Variants in RNF144A observed in about 807,000 individuals in gnomAD.
RNF144A encodes the protein ring finger protein 144A.
Under a neutral mutation model 38.7 loss-of-function variants are expected in RNF144A, and 11 were observed. That is an observed-to-expected ratio of 0.28 (90% CI 0.18 to 0.47). RNF144A has a LOEUF of 0.47. RNF144A is among the 20% of genes least tolerant of loss of function. The pLI is 0.99. For synonymous variants in RNF144A, 149 were observed against 143.9 expected (o/e 1.04, Z -0.25); for missense variants, 316 against 377.2 (o/e 0.84, Z 1.34).
chr2:6,948,219 G>A (rs888722640), intron 2 of RNF144A, among the ~76,000 whole-genome samples: 7 of 152,214 alleles, frequency 4.6e-5, no homozygotes, highest in African/African-American at 1.7e-4. Context: ...CTGCAGGGCT[G>A]CAGGAATTTG....
At chr2:6,935,124 A>G (rs891521443) in intron 1 of RNF144A, among the ~76,000 whole-genome samples, 1 of 152,132 alleles carries the variant, frequency 6.6e-6, no homozygotes, top group Non-Finnish European at 1.5e-5. Context: ...AGCCTTCTAC[A>G]GATAACCCCT....
chr2:6,945,355 A>G (rs1423056452), intron 2 of RNF144A, among the ~76,000 whole-genome samples: 3 of 152,238 alleles, frequency 2.0e-5, no homozygotes, highest in South Asian at 4.1e-4. Flanking sequence ...TCATAACCAC[A>G]TTTTCCACAT....
intron 6 of RNF144A, among the ~76,000 whole-genome samples, chr2:7,056,146 G>A (rs938149207): frequency 1.3e-5 from 2 of 152,112 alleles, no homozygotes; most frequent in East Asian, 3.9e-4. Flanking sequence ...CTTACAAATT[G>A]GGAAGCCTAT....
chr2:7,027,013 A>C (rs1031392698), intron 7 of RNF144A, among the ~76,000 whole-genome samples: 1 of 152,252 alleles, frequency 6.6e-6, no homozygotes, highest in Non-Finnish European at 1.5e-5. Flanking sequence ...AGACATTAAC[A>C]GTGATTTACG....
intron 2 of RNF144A, among the ~76,000 whole-genome samples, chr2:6,955,533 A>G (rs1414948453): frequency 6.6e-6 from 1 of 152,150 alleles, no homozygotes; most frequent in Non-Finnish European, 1.5e-5. Flanking sequence ...TCATTTCCAC[A>G]ACTAAATAGA....
At chr2:6,961,029 A>G (rs950892007) in intron 2 of RNF144A, among the ~76,000 whole-genome samples, 1 of 151,924 alleles carries the variant, frequency 6.6e-6, no homozygotes, top group African/African-American at 2.4e-5. Context: ...CTGCTTTGCT[A>G]TTTGAAATGC....
chr2:6,985,191 G>A (rs1668868562), intron 2 of RNF144A, among the ~76,000 whole-genome samples: 1 of 151,706 alleles, frequency 6.6e-6, no homozygotes, highest in Non-Finnish European at 1.5e-5. Flanking sequence ...AATGAAAGGT[G>A]ATTCCGCGGG....
rs535862107 is a variant in RNF144A, at chr2:6,955,231, G to A, written c.-12+14084G>A. Among the ~76,000 whole-genome samples the A allele has an allele frequency of 9.8e-5, 15 of 152,296 alleles. No individual in the cohort carries two copies. The South Asian group carries it at 2.5e-3, about 25-fold the overall frequency. ...TTTTCAAAATTTGGGGAGTAGTTTT[G>A]TGGTAATCCATTTTCCAGAGGAAGT... On this transcript the variant is annotated intron_variant, in intron 2 of 8. Transcript: ENST00000320892.
chr2:6,928,785 G>A (rs1459798055), intron 1 of RNF144A, among the ~76,000 whole-genome samples: 1 of 152,148 alleles, frequency 6.6e-6, no homozygotes, highest in African/African-American at 2.4e-5. Flanking sequence ...CTCTGTGGTC[G>A]AGGGCTTCCC....
chr2:6,961,974 T>C (rs1407920921), intron 2 of RNF144A, among the ~76,000 whole-genome samples: 1 of 152,184 alleles, frequency 6.6e-6, no homozygotes. Context: ...TGTTGTTTCA[T>C]GGCCAGGGAG....
intron 1 of RNF144A, among the ~76,000 whole-genome samples, chr2:6,920,275 C>T (rs888027483): frequency 1.3e-5 from 2 of 152,196 alleles, no homozygotes; most frequent in African/African-American, 4.8e-5. Flanking sequence ...TGGAGACTGA[C>T]AATCACAGAA....
Position 7,042,427 on chromosome 2 carries a change from C to T in RNF144A, c.*2667C>T. On this transcript the variant is annotated 3_prime_UTR_variant, in exon 9 of 9. Coordinates refer to ENST00000320892, the MANE Select transcript of RNF144A (RefSeq NM_014746.6). Reference sequence around the variant, plus strand: ...TACAGATGGTGTTCACTGCAAGCCCCAGAAGCATATGGCATGTGTTCACTA... The same window carrying T: ...TACAGATGGTGTTCACTGCAAGCCCTAGAAGCATATGGCATGTGTTCACTA... 1 of 985,428 alleles carries T rather than the reference C, an allele frequency of 1.0e-6. No individual in the cohort carries two copies. The highest frequency in any genetic ancestry group is 1.2e-6 in the Non-Finnish European group (1 of 829,936). 61.0% of individuals were successfully genotyped at this position (985,428 alleles called of 1,614,324 possible).
chr2:7,021,188 T>C (rs2103430295), intron 6 of RNF144A, among the ~76,000 whole-genome samples: 1 of 152,328 alleles, frequency 6.6e-6, no homozygotes, highest in South Asian at 2.1e-4. Flanking sequence ...CACCACGCTC[T>C]GTACTTTGAC....
At chr2:7,030,097 C>G in intron 7 of RNF144A, 29 bp from the exon 8 acceptor site, 1 of 1,509,984 alleles carries the variant, frequency 6.6e-7, no homozygotes, top group Non-Finnish European at 9.2e-7. Flanking sequence ...ACCACTCGTT[C>G]ATGCCGTCTC....
At chr2:6,939,024 G>A (rs139465111) in intron 1 of RNF144A, among the ~76,000 whole-genome samples, 69 of 150,230 alleles carry the variant, frequency 4.6e-4, no homozygotes, top group African/African-American at 1.6e-3. Flanking sequence ...TGGCTATTAT[G>A]AATAATGCAG....
At chr2:7,039,410 G>T (rs1176284029) in intron 8 of RNF144A, among the ~76,000 whole-genome samples, 1 of 152,020 alleles carries the variant, frequency 6.6e-6, no homozygotes, top group African/African-American at 2.4e-5. Context: ...TGGATGGATA[G>T]ATGGATGGGT....
intron 2 of RNF144A, among the ~76,000 whole-genome samples, chr2:6,961,005 G>T (rs527416561): frequency 6.6e-6 from 1 of 152,186 alleles, no homozygotes; most frequent in South Asian, 2.1e-4. Context: ...AGTGAAGAAA[G>T]CTTTCAGAAA....
At position 7,057,762 on chromosome 2, in the gene RNF144A, C is replaced by CATCAT. The variant is rs1304304788; in HGVS notation, c.735-10453_735-10449dup. ...TTGAATACATTTTAGATAGCCATAC[C>CATCAT]ATCATCATAATTGCTTGGAGTGAAT... On this transcript the variant is annotated intron_variant, in intron 6 of 6. Coordinates refer to the RNF144A transcript ENST00000432850. Among the ~76,000 whole-genome samples, 4 of 152,162 alleles carry CATCAT rather than the reference C, an allele frequency of 2.6e-5. No homozygotes were observed. The East Asian group carries it at 7.7e-4, about 29-fold the overall frequency.
At chr2:7,069,446 C>G (rs551221934), downstream of RNF144A, among the ~76,000 whole-genome samples, 1 of 152,220 alleles carries the variant, frequency 6.6e-6, no homozygotes, top group Admixed American at 6.5e-5. Flanking sequence ...ATTTTCCCTT[C>G]TGAGTGGCTT....
Sources: gnomAD v4.1 joint callset for allele counts (sites outside exome capture counted in the v4.1 genomes callset) on GRCh38, gnomAD v4.1.1 for gene constraint, MANE v1.5 for transcripts, NCBI Gene and HGNC (gene_info 2026-07-23, HGNC 2026-07-21) for gene names.